FSIP2: variants seen among roughly 807,000 people sequenced by gnomAD.
FSIP2 encodes fibrous sheath-interacting protein 2.
A neutral mutation model predicts 510.5 loss-of-function variants in FSIP2; 367 were observed. That is an observed-to-expected ratio of 0.72 (90% CI 0.66 to 0.78). The LOEUF (loss-of-function observed/expected upper bound fraction) is 0.78, where lower values mean the gene tolerates loss of function less well. FSIP2 is among the 30% of genes least tolerant of loss of function. FSIP2 has a pLI of 0.00. For missense variants in FSIP2, 7,594 were observed against 7,901.7 expected (o/e 0.96, Z 1.48); for synonymous variants, 2,601 against 2,732.2 (o/e 0.95, Z 1.50).
intron 12 of FSIP2, among the ~76,000 whole-genome samples, chr2:185,763,606 C>T (rs1692398916): frequency 6.6e-6 from 1 of 151,474 alleles, no homozygotes; most frequent in Admixed American, 6.6e-5. Context: ...GAGATACCAG[C>T]AAAGATTCAG....
rs775600562 is a variant in FSIP2 at position 185,806,210 on chromosome 2, A to G, written c.16904A>G (p.Lys5635Arg). 3 of 1,604,424 alleles carry G rather than the reference A, an allele frequency of 1.9e-6. No homozygotes were observed. Among genetic ancestry groups the G allele is most frequent in the South Asian group, 2.2e-5 (2 of 89,214 alleles). ...TTTCAGTTATCCTCCTTGAAGTCCA[A>G]GAGAAATCTAGGGACTACAACAGAT... ...KLFQLSSLKS[K>R]RNLGTTTDTL... is the part of the protein sequence containing the mutation. The change falls in exon 17 of 23, where the codon AAG becomes AGG. Residue 5635 changes from lysine to arginine, a missense_variant. Lys to Arg is a conservative substitution (Grantham distance 26, BLOSUM62 2). Coordinates refer to ENST00000424728, the MANE Select transcript of FSIP2 (RefSeq NM_173651.4).
At chr2:185,785,062 A>C (rs888205851) in intron 14 of FSIP2, among the ~76,000 whole-genome samples, 1 of 152,090 alleles carries the variant, frequency 6.6e-6, no homozygotes, top group Non-Finnish European at 1.5e-5. Flanking sequence ...ACTGCTACCA[A>C]TGAATACATA....
At position 185,800,890 on chromosome 2, in the gene FSIP2, G is replaced by C; in HGVS notation, c.11584G>C (p.Ala3862Pro). The change falls in exon 17 of 23, where the codon GCT (alanine) becomes CCT (proline). Residue 3862 changes from alanine (A) to proline (P), a missense_variant. Transcript: ENST00000424728. ...CAAATTATCTCACAGCATACAACAA[G>C]CTCCGGAAAGTCTACCTTTTGCAAA... ...MDKLSHSIQQ[A>P]PESLPFANKH... The C allele has an allele frequency of 6.5e-7, 1 of 1,533,780 alleles. No individual in the cohort carries two copies. The highest frequency in any genetic ancestry group is 8.7e-7 in the Non-Finnish European group (1 of 1,145,472).
chr2:185,790,476 T>G lies in FSIP2; in HGVS notation c.3340T>G (p.Leu1114Val). ...KASENIVTSI[L>V]KEMLKDISSV... ...TTCAGAAAACATAGTCACAAGTATT[T>G]TAAAGGAAATGCTCAAGGACATATC... Residue 1114 changes from leucine (L) to valine (V), a missense_variant, in exon 16 of 23, where the codon TTA becomes GTA. Coordinates refer to ENST00000424728, the MANE Select transcript of FSIP2 (RefSeq NM_173651.4). The G allele has an allele frequency of 6.5e-7, 1 of 1,534,120 alleles. No individual in the cohort carries two copies. Among genetic ancestry groups the G allele is most frequent in the Non-Finnish European group, 8.7e-7 (1 of 1,145,562 alleles).
rs773724660 is a variant in FSIP2, at chr2:185,738,852, G to A, written c.-43G>A. 1 of 1,532,536 alleles carries A rather than the reference G, an allele frequency of 6.5e-7. No homozygotes were observed. Among genetic ancestry groups the A allele is most frequent in the Non-Finnish European group, 8.7e-7 (1 of 1,145,554 alleles). The allele number at this position is 1,532,536 out of a possible 1,614,324, so 94.9% of individuals were successfully genotyped here. On this transcript the variant is annotated 5_prime_UTR_variant, in exon 1 of 23. Coordinates refer to ENST00000424728, the MANE Select transcript of FSIP2 (RefSeq NM_173651.4). ...GGGACAACGGGGTGCTAGAGAAGGA[G>A]AGCGGGGCGGGTGAGGAAGGGGCTG...
rs1377103594 is a variant in FSIP2 at position 185,803,972 on chromosome 2, A to G, written c.14666A>G (p.Asp4889Gly). The change falls in exon 17 of 23, where the codon GAC becomes GGC. Residue 4889 changes from aspartate to glycine, a missense_variant. Coordinates refer to ENST00000424728, the MANE Select transcript of FSIP2 (RefSeq NM_173651.4). ...SITKDKKSISDIPVSKIASFI... is the reference protein window; with the variant it reads ...SITKDKKSISGIPVSKIASFI... ...ACAAAAGATAAAAAGAGCATAAGTG[A>G]CATACCTGTTTCAAAAATAGCGAGT... 1.3e-6 allele frequency: 2 copies of G among 1,499,186 alleles called. No individual in the cohort carries two copies. Among genetic ancestry groups the G allele is most frequent in the African/African-American group, 1.4e-5 (1 of 71,106 alleles). 92.9% of individuals were successfully genotyped at this position (1,499,186 alleles called of 1,614,324 possible).
chr2:185,798,293 T>A (rs1693347590), intron 16 of FSIP2, among the ~76,000 whole-genome samples: 1 of 151,926 alleles, frequency 6.6e-6, no homozygotes, highest in Admixed American at 6.6e-5. Context: ...ACAGTAGAAT[T>A]GAATATCTTG....
At position 185,806,922 on chromosome 2, in the gene FSIP2, G is replaced by A. The variant is rs369250513; in HGVS notation, c.17616G>A (p.Glu5872=). Residue 5872 remains glutamate, a synonymous_variant, in exon 17 of 23, where the codon GAG becomes GAA. Coordinates refer to ENST00000424728, the MANE Select transcript of FSIP2 (RefSeq NM_173651.4). ...CTAAAGTACCTCCAAGGTATAAAGA[G>A]CCAACTACAGATGAAGCACCATCCA... is the stretch of plus-strand genomic sequence containing the variant. The part of the protein sequence containing the change: ...SVPKVPPRYK[E]PTTDEAPSSI... 8.7e-6 allele frequency: 14 copies of A among 1,611,314 alleles called. No homozygotes were observed. The highest frequency in any genetic ancestry group is 1.2e-5 in the Non-Finnish European group (14 of 1,178,692).
chr2:185,789,061 G>T lies in FSIP2; in HGVS notation c.1925G>T (p.Ser642Ile). The change falls in exon 16 of 23, where the codon AGT becomes ATT. Residue 642 changes from serine to isoleucine, a missense_variant. Ser to Ile is a moderately radical substitution (Grantham distance 142). Coordinates refer to ENST00000424728, the MANE Select transcript of FSIP2 (RefSeq NM_173651.4). ...NLLYSYPKLR[S>I]CKSDSHLLAS... ...CTATATTCATACCCTAAGCTCAGAA[G>T]TTGTAAATCAGATAGTCACCTTTTA... 6.5e-7 allele frequency: 1 copy of T among 1,534,494 alleles called. No homozygotes were observed. Among genetic ancestry groups the T allele is most frequent in the Non-Finnish European group, 8.7e-7 (1 of 1,145,694 alleles).
rs767567305 is a variant in FSIP2, at chr2:185,813,655, T to C, written c.19938T>C (p.His6646=). ...KNDLIVRLVA[H]DIDQVYLENY... ...ATCTTATTGTTCGATTAGTAGCTCA[T>C]GATATTGATCAAGTGTATTTGGAAA... Residue 6646 remains histidine, a synonymous_variant, in exon 18 of 23, where the codon CAT becomes CAC. Transcript: ENST00000424728. 1.9e-6 allele frequency: 3 copies of C among 1,605,790 alleles called. No homozygotes were observed. The highest frequency in any genetic ancestry group is 1.1e-5 in the South Asian group (1 of 89,598).
chr2:185,824,531 G>T (rs1459038381), intron 20 of FSIP2, 51 bp downstream of exon 20: 22 of 903,564 alleles, frequency 2.4e-5, no homozygotes, highest in African/African-American at 5.3e-5. Context: ...ACTTTGATGT[G>T]TTTTTTTTTT....
chr2:185,738,258 A>C, upstream of FSIP2: 1 of 268,132 alleles, frequency 3.7e-6, no homozygotes, highest in Non-Finnish European at 7.2e-6. Context: ...TTTCGGCTGG[A>C]TGGTTGAGGA....
chr2:185,771,130 C>T (rs1412426861), intron 13 of FSIP2, among the ~76,000 whole-genome samples: 1 of 152,208 alleles, frequency 6.6e-6, no homozygotes, highest in African/African-American at 2.4e-5. Flanking sequence ...TGGCTTCTGT[C>T]ACTGATTTGA....
Position 185,797,277 on chromosome 2 carries a change from T to A in FSIP2, c.10141T>A (p.Leu3381Met), listed in dbSNP as rs1374189284. Residue 3381 changes from leucine (L) to methionine (M), a missense_variant, in exon 16 of 23, where the codon TTG (leucine) becomes ATG (methionine). Transcript: ENST00000424728. ...AGGGCAAAAGGATAACGAAAAAAGTTTGCTTAGAATGCAGGATAAAAAAAT... is the reference window on the plus strand; with the variant it reads ...AGGGCAAAAGGATAACGAAAAAAGTATGCTTAGAATGCAGGATAAAAAAAT... Reference protein sequence around the residue: ...SGGQKDNEKSLLRMQDKKINY... With the variant: ...SGGQKDNEKSMLRMQDKKINY... 2.6e-6 allele frequency: 4 copies of A among 1,533,962 alleles called. No homozygotes were observed. Among genetic ancestry groups the A allele is most frequent in the Non-Finnish European group, 3.5e-6 (4 of 1,146,064 alleles).
Position 185,809,078 on chromosome 2 carries a change from CAGAA to C in FSIP2, c.19776_19779del (p.Glu6592AspfsTer13). On this transcript the variant is annotated frameshift_variant, in exon 17 of 23. Transcript: ENST00000424728. LOFTEE classifies it high-confidence loss of function. Reference sequence around the variant, plus strand: ...TCACCTGATTTAGAAAAGAGAAAGACAGAAAGACGTACCTCATTGGATAAGACTG... The same window carrying C: ...TCACCTGATTTAGAAAAGAGAAAGACAGACGTACCTCATTGGATAAGACTG... 6.2e-7 allele frequency: 1 copy of C among 1,601,800 alleles called. No homozygotes were observed. The highest frequency in any genetic ancestry group is 8.5e-7 in the Non-Finnish European group (1 of 1,176,286).
chr2:185,761,021 A>T lies in FSIP2; in HGVS notation c.1112A>T (p.Asn371Ile). The T allele has an allele frequency of 6.7e-7, 1 of 1,503,748 alleles. No homozygotes were observed. Among genetic ancestry groups the T allele is most frequent in the Non-Finnish European group, 8.9e-7 (1 of 1,122,856 alleles). The allele number at this position is 1,503,748 out of a possible 1,614,324, so 93.2% of individuals were successfully genotyped here. ...HTANAAHQRQ[N>I]SSNNFTKKNS... Reference sequence around the variant, plus strand: ...GCAAATGCTGCTCATCAGCGTCAAAATAGTTCAAATAATTTTACGAAAAAA... The same window carrying T: ...GCAAATGCTGCTCATCAGCGTCAAATTAGTTCAAATAATTTTACGAAAAAA... The change falls in exon 10 of 23, where the codon AAT becomes ATT. Residue 371 changes from asparagine (N) to isoleucine (I), a missense_variant. By Grantham distance (149) the Asn-to-Ile change is moderately radical. Coordinates refer to ENST00000424728, the MANE Select transcript of FSIP2 (RefSeq NM_173651.4).
chr2:185,799,885 G>A lies in FSIP2; in HGVS notation c.10579G>A (p.Ala3527Thr). Reference sequence around the variant, plus strand: ...CAAAAAGGGTAGAGAAAAAGAGAAAGCATGGGAAATTCAAGAAGCAACATT... The same window carrying A: ...CAAAAAGGGTAGAGAAAAAGAGAAAACATGGGAAATTCAAGAAGCAACATT... ...GTKKGREKEK[A>T]WEIQEATFSK... The change falls in exon 17 of 23, where the codon GCA (alanine) becomes ACA (threonine). Residue 3527 changes from alanine to threonine, a missense_variant. By Grantham distance (58) the Ala-to-Thr change is moderately conservative. Coordinates refer to ENST00000424728, the MANE Select transcript of FSIP2 (RefSeq NM_173651.4). 2 of 1,533,700 alleles carry A rather than the reference G, an allele frequency of 1.3e-6. No homozygotes were observed. The highest frequency in any genetic ancestry group is 1.7e-6 in the Non-Finnish European group (2 of 1,145,436).
At chr2:185,755,621 G>C (rs1692232844) in intron 8 of FSIP2, among the ~76,000 whole-genome samples, 1 of 151,510 alleles carries the variant, frequency 6.6e-6, no homozygotes, top group African/African-American at 2.4e-5. Context: ...GACAGAGAAA[G>C]TAAAAGAAAG....
intron 1 of FSIP2, 27 bp downstream of exon 1, chr2:185,739,020 C>G: frequency 1.3e-6 from 2 of 1,523,926 alleles, no homozygotes; most frequent in Non-Finnish European, 1.8e-6. Flanking sequence ...TGGGCGGCGT[C>G]GCCCTCTGGC....
Sources: gnomAD v4.1 joint callset for allele counts (sites outside exome capture counted in the v4.1 genomes callset) on GRCh38, gnomAD v4.1.1 for gene constraint, MANE v1.5 for transcripts, NCBI Gene and HGNC (gene_info 2026-07-23, HGNC 2026-07-21) for gene names.